ENAH: variants seen among roughly 807,000 people sequenced by gnomAD.
ENAH encodes protein enabled homolog.
In ENAH, 23 loss-of-function variants were observed where a neutral mutation model predicts 78.7. The observed-to-expected ratio is 0.29, with a 90% confidence interval of 0.21 to 0.41. The LOEUF (loss-of-function observed/expected upper bound fraction) is 0.41. Ranked by LOEUF, ENAH falls within the 10% of genes least tolerant of loss-of-function variation. ENAH has a pLI of 1.00. For missense variants in ENAH, 544 were observed against 691.0 expected, an observed-to-expected ratio of 0.79 and a Z score of 2.39; for synonymous variants, 226 against 241.0, an observed-to-expected ratio of 0.94 and a Z score of 0.58.
chr1:225,563,660 C>T (rs1304775137), intron 2 of ENAH, among the ~76,000 whole-genome samples: 1 of 152,112 alleles, frequency 6.6e-6, no homozygotes, highest in Admixed American at 6.5e-5. Context: ...GTTTTTTACT[C>T]ATTACTACAT....
At chr1:225,653,429 C>G (rs1663437815), upstream of ENAH, among the ~76,000 whole-genome samples, 2 of 150,986 alleles carry the variant, frequency 1.3e-5, no homozygotes, top group African/African-American at 4.9e-5. The surrounding 1 kb of genome is among the most constrained non-coding windows in gnomAD (Gnocchi z 4.3). Flanking sequence ...CCCCTCCCGC[C>G]CAACACCTCC....
Position 225,507,944 on chromosome 1 carries a change from T to C in ENAH, c.1538+7A>G. ...AAAATATAAAACTTAGAGAAAAAAA[T>C]TGATACCTGGAGATAACAGGTGACT... On this transcript the variant is annotated splice_region_variant and intron_variant, in intron 11 of 13. Coordinates refer to ENST00000366843, the MANE Select transcript of ENAH (RefSeq NM_018212.6). The C allele has an allele frequency of 1.3e-6, 2 of 1,533,102 alleles. No individual in the cohort carries two copies. Among genetic ancestry groups the C allele is most frequent in the South Asian group, 1.3e-5 (1 of 76,594 alleles). 95.0% of individuals were successfully genotyped at this position (1,533,102 alleles called of 1,614,324 possible). A position where few individuals can be genotyped will look rare whatever the true frequency, so the allele number is the denominator to read the frequency against.
intron 1 of ENAH, among the ~76,000 whole-genome samples, chr1:225,596,254 A>T (rs1054339703): frequency 6.6e-6 from 1 of 152,202 alleles, no homozygotes; most frequent in Non-Finnish European, 1.5e-5. Flanking sequence ...GAATTTTCAG[A>T]TATTTTCCCC....
In ENAH at chr1:225,495,408, A is replaced by G. The variant is rs2096244397; in HGVS notation, c.*2367T>C. 1 of 151,970 alleles carries G rather than the reference A, an allele frequency of 6.6e-6. No individual in the cohort carries two copies. The highest frequency in any genetic ancestry group is 6.6e-5 in the Admixed American group (1 of 15,210). The allele number at this position is 151,970 out of a possible 1,614,324, so 9.4% of individuals were successfully genotyped here. On this transcript the variant is annotated 3_prime_UTR_variant, in exon 14 of 14. Transcript: ENST00000366843. ...AATTCATTCAGACTTCTTGGAAAGAACATTTAGCAATCTGGGATGATGGGA... is the reference window on the plus strand; with the variant it reads ...AATTCATTCAGACTTCTTGGAAAGAGCATTTAGCAATCTGGGATGATGGGA...
chr1:225,527,702 AG>A (rs2096516154), intron 4 of ENAH, among the ~76,000 whole-genome samples: 1 of 152,306 alleles, frequency 6.6e-6, no homozygotes, highest in South Asian at 2.1e-4. Flanking sequence ...TGGAGGGGGA[AG>A]GAGGAAGCGT....
At chr1:225,600,918 G>A (rs1478159211) in intron 1 of ENAH, among the ~76,000 whole-genome samples, 1 of 152,020 alleles carries the variant, frequency 6.6e-6, no homozygotes, top group African/African-American at 2.4e-5. Flanking sequence ...AATTGGTAAA[G>A]CTATATGATG....
At chr1:225,632,605 T>C (rs571573910) in intron 1 of ENAH, among the ~76,000 whole-genome samples, 279 of 152,092 alleles carry the variant, frequency 1.8e-3, no homozygotes, top group African/African-American at 6.6e-3. Context: ...ACTGAAAAAA[T>C]GTGATTTAAA....
At chr1:225,619,629 G>T (rs1448238371) in intron 1 of ENAH, among the ~76,000 whole-genome samples, 2 of 152,158 alleles carry the variant, frequency 1.3e-5, no homozygotes, top group Non-Finnish European at 2.9e-5. Flanking sequence ...GATGACTATA[G>T]AGAGAAAACC....
At chr1:225,608,509 A>G (rs1344158716) in intron 1 of ENAH, among the ~76,000 whole-genome samples, 1 of 151,918 alleles carries the variant, frequency 6.6e-6, no homozygotes, top group African/African-American at 2.4e-5. Context: ...AAAGAAAAAA[A>G]CAGCTTTCTT....
intron 1 of ENAH, among the ~76,000 whole-genome samples, chr1:225,580,643 G>A (rs1050019551): frequency 2.0e-5 from 3 of 152,056 alleles, no homozygotes; most frequent in African/African-American, 4.8e-5. Context: ...AGATTGGGCC[G>A]GGTGCAATTC....
intron 3 of ENAH, among the ~76,000 whole-genome samples, chr1:225,544,372 G>T (rs2096603391): frequency 6.6e-6 from 1 of 152,128 alleles, no homozygotes; most frequent in African/African-American, 2.4e-5. Flanking sequence ...TAAAGATCAA[G>T]CCTATTGTAA....
At chr1:225,614,962 G>C (rs1000695472) in intron 1 of ENAH, among the ~76,000 whole-genome samples, 1 of 151,828 alleles carries the variant, frequency 6.6e-6, no homozygotes, top group Non-Finnish European at 1.5e-5. Flanking sequence ...AAATCCTTAA[G>C]AGTAATACTT....
intron 2 of ENAH, among the ~76,000 whole-genome samples, chr1:225,557,666 C>A (rs989637268): frequency 6.6e-6 from 1 of 151,992 alleles, no homozygotes; most frequent in African/African-American, 2.4e-5. Flanking sequence ...ACTAAAAATA[C>A]AAAACTTAGC....
At chr1:225,578,942 A>C (rs567117043) in intron 1 of ENAH, among the ~76,000 whole-genome samples, 20 of 152,346 alleles carry the variant, frequency 1.3e-4, no homozygotes, top group South Asian at 4.1e-4. Flanking sequence ...GATACTAATA[A>C]TACTACTAAT....
At chr1:225,517,790 A>G in intron 5 of ENAH, 1 of 1,551,258 alleles carries the variant, frequency 6.4e-7, no homozygotes, top group Admixed American at 2.0e-5. Flanking sequence ...GATGTTGCAA[A>G]ACGTGTCGCT....
At chr1:225,554,771 T>C (rs1349171742) in intron 3 of ENAH, 135 bp downstream of exon 3, 2 of 678,586 alleles carry the variant, frequency 2.9e-6, no homozygotes, top group African/African-American at 1.8e-5. Flanking sequence ...TTCAAATATA[T>C]ACAAGATCTA....
In ENAH at chr1:225,594,150, T is replaced by TCCAG. The variant is rs563748976; in HGVS notation, c.6-26737_6-26736insCTGG. ...TCACATTGCTTCTCTGGAACACTGCTAGATTCAAAGTTTAAGGACAAACTG... is the reference window on the plus strand; with the variant it reads ...TCACATTGCTTCTCTGGAACACTGCTCCAGAGATTCAAAGTTTAAGGACAAACTG... On this transcript the variant is annotated intron_variant, in intron 1 of 13. Coordinates refer to ENST00000366843, the MANE Select transcript of ENAH (RefSeq NM_018212.6). Among the ~76,000 whole-genome samples, 1,012 of 152,314 alleles carry TCCAG rather than the reference T, an allele frequency of 6.6e-3. 14 individuals carry two copies. The highest frequency in any genetic ancestry group is 0.023 in the African/African-American group (953 of 41,564).
chr1:225,591,764 CAAAAAA>C (rs55680042), intron 1 of ENAH, among the ~76,000 whole-genome samples: 1 of 39,514 alleles, frequency 2.5e-5, no homozygotes, highest in African/African-American at 6.6e-5. Context: ...GACTCCGTCT[CAAAAAA>C]AAAAAAAAAA....
intron 3 of ENAH, among the ~76,000 whole-genome samples, chr1:225,541,818 G>A (rs2096590619): frequency 6.6e-6 from 1 of 152,134 alleles, no homozygotes; most frequent in Non-Finnish European, 1.5e-5. Context: ...AAAATGCTGT[G>A]GAAATTACAG....
Sources: gnomAD v4.1 joint callset for allele counts (sites outside exome capture counted in the v4.1 genomes callset) on GRCh38, gnomAD v4.1.1 for gene constraint, Gnocchi (gnomAD v3.1) non-coding constraint, MANE v1.5 for transcripts, NCBI Gene and HGNC (gene_info 2026-07-23, HGNC 2026-07-21) for gene names.